Variants in LRIF1 observed in about 807,000 individuals in gnomAD.
The protein encoded by LRIF1 is ligand-dependent nuclear receptor-interacting factor 1.
Under a neutral mutation model 52.7 loss-of-function variants are expected in LRIF1, and 32 were observed. That is an observed-to-expected ratio of 0.61 (90% CI 0.46 to 0.82). LRIF1 has a LOEUF of 0.82. Ranked by LOEUF, LRIF1 falls within the 40% of genes least tolerant of loss-of-function variation. LRIF1 has a pLI of 0.00. For synonymous variants in LRIF1, 323 were observed against 317.4 expected (o/e 1.02, Z -0.19); for missense variants, 887 against 892.0 (o/e 0.99, Z 0.07).
At chr1:110,908,683 T>C in the LRIF1 span, among the ~76,000 whole-genome samples, 1 of 151,380 alleles carries the variant, frequency 6.6e-6, no homozygotes, top group Non-Finnish European at 1.5e-5. Context: ...TACAAGCAGA[T>C]AAAAATAAAA....
In LRIF1 at chr1:110,951,404, C is replaced by T. The variant is rs1428174422; in HGVS notation, c.1480G>A (p.Ala494Thr). The change falls in exon 2 of 4, where the codon GCC (alanine) becomes ACC (threonine). Residue 494 changes from alanine (A) to threonine (T), a missense_variant. Ala to Thr is a moderately conservative substitution (Grantham distance 58, BLOSUM62 0). Coordinates refer to ENST00000369763, the MANE Select transcript of LRIF1 (RefSeq NM_018372.4). ...CTTCCTTTTCTAGCATAAATGACGGCTGTTACTTTTCTGGGGGCATTGTGT... is the reference window on the plus strand; with the variant it reads ...CTTCCTTTTCTAGCATAAATGACGGTTGTTACTTTTCTGGGGGCATTGTGT... Reference protein sequence around the residue: ...TGHNAPRKVTAVIYARKGSVL... With the variant: ...TGHNAPRKVTTVIYARKGSVL... 3 of 1,614,092 alleles carry T rather than the reference C, an allele frequency of 1.9e-6. No individual in the cohort carries two copies. The Admixed American group carries it at 5.0e-5, about 27-fold the overall frequency.
chr1:110,892,677 CA>C, the LRIF1 span: 1 of 704,920 alleles, frequency 1.4e-6, no homozygotes, highest in Non-Finnish European at 2.4e-6. Context: ...CAAGTCTGCC[CA>C]GACCAATAGT....
the LRIF1 span, among the ~76,000 whole-genome samples, chr1:110,888,499 C>T: frequency 2.6e-5 from 4 of 152,162 alleles, no homozygotes; most frequent in Non-Finnish European, 5.9e-5. Flanking sequence ...CATTGTCTCA[C>T]ATTCAGTGTT....
intron 1 of LRIF1, among the ~76,000 whole-genome samples, chr1:110,955,722 TTGAC>T (rs779479058): frequency 5.6e-4 from 86 of 152,274 alleles, no homozygotes; most frequent in African/African-American, 1.8e-3. Flanking sequence ...TTTTTAAACT[TTGAC>T]TGTCAAGGGG....
the LRIF1 span, among the ~76,000 whole-genome samples, chr1:110,935,908 A>G: frequency 2.0e-5 from 3 of 152,226 alleles, no homozygotes; most frequent in East Asian, 5.8e-4. Flanking sequence ...TAATAATCAA[A>G]CTCCCAAAGA....
chr1:110,897,768 A>G, the LRIF1 span: 1 of 1,197,998 alleles, frequency 8.3e-7, no homozygotes, highest in Non-Finnish European at 1.2e-6. Context: ...GATATGGTGG[A>G]ATTATAGAGT....
At chr1:110,917,640 T>C in the LRIF1 span, among the ~76,000 whole-genome samples, 6 of 86,574 alleles carry the variant, frequency 6.9e-5, no homozygotes, top group South Asian at 2.2e-3. Flanking sequence ...TTTTGTTTTT[T>C]TGTTTTTGTT....
chr1:110,957,301 CAAAAAAAAAA>C (rs35011841), intron 1 of LRIF1, among the ~76,000 whole-genome samples: 1 of 81,886 alleles, frequency 1.2e-5, no homozygotes, highest in Non-Finnish European at 2.4e-5. Context: ...ACTAAAAATA[CAAAAAAAAAA>C]AAAAAAAAAA....
In LRIF1 at chr1:110,952,749, T is replaced by A; in HGVS notation, c.135A>T (p.Leu45Phe). 6.2e-7 allele frequency: 1 copy of A among 1,613,586 alleles called. No homozygotes were observed. The highest frequency in any genetic ancestry group is 8.5e-7 in the Non-Finnish European group (1 of 1,179,674). ...IGSDGKNLLQ[L>F]LPIPKSSGNL... ...TTCCAGAAGACTTAGGAATTGGAAG[T>A]AATTGCAGAAGATTTTTTCCATCCG... Residue 45 changes from leucine to phenylalanine, a missense_variant, in exon 2 of 4, where the codon TTA (leucine) becomes TTT (phenylalanine). Coordinates refer to ENST00000369763, the MANE Select transcript of LRIF1 (RefSeq NM_018372.4).
the LRIF1 span, among the ~76,000 whole-genome samples, chr1:110,929,436 G>C: frequency 1.3e-5 from 2 of 152,072 alleles, no homozygotes; most frequent in Non-Finnish European, 2.9e-5. Flanking sequence ...GTTATTTTTT[G>C]ACTTTTGAAT....
the LRIF1 span, among the ~76,000 whole-genome samples, chr1:110,880,955 G>A: frequency 8.5e-5 from 13 of 152,190 alleles, no homozygotes; most frequent in Admixed American, 1.3e-4. Flanking sequence ...AGAATAAGAG[G>A]CCAGAAAGAA....
At chr1:110,917,905 A>C in the LRIF1 span, among the ~76,000 whole-genome samples, 1 of 151,910 alleles carries the variant, frequency 6.6e-6, no homozygotes, top group Non-Finnish European at 1.5e-5. Flanking sequence ...GCAACATATA[A>C]ATGGTGTTTT....
the LRIF1 span, chr1:110,892,296 C>G: frequency 1.5e-6 from 2 of 1,360,172 alleles, no homozygotes; most frequent in Non-Finnish European, 2.1e-6. Context: ...TGAGGAGATA[C>G]CCAAGAACCA....
At chr1:110,955,878 G>A (rs755082244) in intron 1 of LRIF1, among the ~76,000 whole-genome samples, 1 of 152,116 alleles carries the variant, frequency 6.6e-6, no homozygotes, top group Non-Finnish European at 1.5e-5. Context: ...GGTAATAAAG[G>A]AACAAAAGGG....
At chr1:110,950,535 T>C (rs183106133) in intron 2 of LRIF1, among the ~76,000 whole-genome samples, 4 of 152,216 alleles carry the variant, frequency 2.6e-5, no homozygotes, top group East Asian at 3.9e-4. Context: ...ATGAATTCTG[T>C]ACTGAAGGGG....
intron 1 of LRIF1, among the ~76,000 whole-genome samples, chr1:110,962,742 T>G (rs1255789428): frequency 6.6e-6 from 1 of 152,206 alleles, no homozygotes. Flanking sequence ...TTGATTTTCT[T>G]CAAACGAAAA....
downstream of LRIF1, among the ~76,000 whole-genome samples, chr1:110,942,530 A>G (rs1365334368): frequency 1.3e-5 from 2 of 152,114 alleles, no homozygotes; most frequent in African/African-American, 4.8e-5. Context: ...AGAGACAGTT[A>G]GTTGATTATT....
chr1:110,907,768 T>C, the LRIF1 span, among the ~76,000 whole-genome samples: 1 of 152,092 alleles, frequency 6.6e-6, no homozygotes, highest in African/African-American at 2.4e-5. Flanking sequence ...AGTTTTTTTC[T>C]TTTCCAGTTA....
rs1426197971 is a variant in LRIF1, at chr1:110,952,004, G to C, written c.880C>G (p.Gln294Glu). The change falls in exon 2 of 4, where the codon CAA (glutamine) becomes GAA (glutamate). Residue 294 changes from glutamine to glutamate, a missense_variant. By Grantham distance (29) the Gln-to-Glu change is conservative. Transcript: ENST00000369763. Reference protein sequence around the residue: ...SQAAPVKWIFQDNLQPFTPSL... With the variant: ...SQAAPVKWIFEDNLQPFTPSL... ...GGCGTAAAAGGCTGTAGATTATCTT[G>C]GAAAATCCATTTCACTGGAGCAGCT... 1.2e-6 allele frequency: 2 copies of C among 1,613,972 alleles called. No individual in the cohort carries two copies. The highest frequency in any genetic ancestry group is 1.7e-6 in the Non-Finnish European group (2 of 1,180,010).
Sources: allele counts gnomAD v4.1 joint callset (sites outside exome capture counted in the v4.1 genomes callset), GRCh38; gene constraint gnomAD v4.1.1; transcripts MANE v1.5; gene names NCBI Gene and HGNC (gene_info 2026-07-23, HGNC 2026-07-21).